Variants in RGS6 observed in about 807,000 individuals in gnomAD.
The protein encoded by RGS6 is regulator of G protein signaling 6, also known as regulator of G-protein signaling 6.
A neutral mutation model predicts 78.5 loss-of-function variants in RGS6; 30 were observed. The ratio of observed to expected loss-of-function variants is 0.38; its 90% confidence interval spans 0.29 to 0.52. RGS6 has a LOEUF of 0.52. Among genes scored for constraint, RGS6 ranks in the 20% least tolerant of loss-of-function variants. RGS6 has a pLI of 0.85. For missense variants in RGS6, 495 were observed against 609.7 expected, an observed-to-expected ratio of 0.81 and a Z score of 1.98; for synonymous variants, 206 against 206.0, an observed-to-expected ratio of 1.00 and a Z score of 0.00.
chr14:72,449,983 C>T (rs2153224796), intron 3 of RGS6, among the ~76,000 whole-genome samples: 1 of 152,240 alleles, frequency 6.6e-6, no homozygotes, highest in South Asian at 2.1e-4. Flanking sequence ...TCTCTCTGTG[C>T]TTTTTAAAAT....
chr14:71,952,463 C>G (rs920219592), intron 1 of RGS6, among the ~76,000 whole-genome samples: 35 of 151,622 alleles, frequency 2.3e-4, no homozygotes, highest in African/African-American at 8.0e-4. Flanking sequence ...CTTTTTATAC[C>G]ATATCTACCT....
chr14:72,402,790 G>GTTTTTT (rs1167831473), intron 3 of RGS6, among the ~76,000 whole-genome samples: 60 of 75,784 alleles, frequency 7.9e-4, no homozygotes, highest in East Asian at 1.4e-3. Flanking sequence ...TGTTTTTTTG[G>GTTTTTT]TTTTTTTTTT....
At chr14:72,000,807 C>T (rs756125277) in intron 2 of RGS6, among the ~76,000 whole-genome samples, 6 of 152,130 alleles carry the variant, frequency 3.9e-5, no homozygotes, top group African/African-American at 1.2e-4. Context: ...AGGTCATGGG[C>T]GACCCTGAGA....
At chr14:72,298,241 T>C (rs1478401064) in intron 2 of RGS6, among the ~76,000 whole-genome samples, 3 of 152,008 alleles carry the variant, frequency 2.0e-5, no homozygotes, top group African/African-American at 7.2e-5. Context: ...GTTTTTCTCC[T>C]TTTAATCTAT....
chr14:71,918,730 G>A, the RGS6 span, among the ~76,000 whole-genome samples: 1 of 152,066 alleles, frequency 6.6e-6, no homozygotes, highest in Non-Finnish European at 1.5e-5. Context: ...CTTCATCCCT[G>A]GTATGCAAGT....
intron 3 of RGS6, among the ~76,000 whole-genome samples, chr14:72,453,977 C>A (rs560435444): frequency 7.9e-5 from 12 of 152,316 alleles, no homozygotes; most frequent in Admixed American, 1.3e-4. Context: ...GAACTCAGTC[C>A]ATATCTAAGT....
chr14:71,952,959 T>C (rs1224920172), intron 1 of RGS6, among the ~76,000 whole-genome samples: 1 of 152,194 alleles, frequency 6.6e-6, no homozygotes, highest in Non-Finnish European at 1.5e-5. Context: ...CCACTTCTTG[T>C]GTATAAAAAT....
At chr14:72,591,925 A>G in the RGS6 span, among the ~76,000 whole-genome samples, 1 of 152,164 alleles carries the variant, frequency 6.6e-6, no homozygotes, top group East Asian at 1.9e-4. Flanking sequence ...CGTCTCCTCA[A>G]TAGCCACTAC....
chr14:71,876,237 C>T, the RGS6 span, among the ~76,000 whole-genome samples: 1 of 147,596 alleles, frequency 6.8e-6, no homozygotes, highest in Non-Finnish European at 1.5e-5. Flanking sequence ...CTAATGTTGA[C>T]AGTGGGGTGT....
chr14:72,137,889 C>T (rs2096471637), intron 2 of RGS6, among the ~76,000 whole-genome samples: 1 of 152,104 alleles, frequency 6.6e-6, no homozygotes, highest in African/African-American at 2.4e-5. Flanking sequence ...TATGATTGAT[C>T]AACTCTTCCC....
At chr14:72,593,155 C>T in the RGS6 span, among the ~76,000 whole-genome samples, 13 of 152,282 alleles carry the variant, frequency 8.5e-5, no homozygotes, top group Middle Eastern at 3.4e-3. Flanking sequence ...CACAACCATG[C>T]CCAAGAAAGA....
At chr14:72,547,323 G>A (rs1194621338) in intron 17 of RGS6, 12 of 1,535,574 alleles carry the variant, frequency 7.8e-6, no homozygotes, top group African/African-American at 1.4e-5. Context: ...AAAGTTCAAA[G>A]AGAAGTCAGA....
intron 2 of RGS6, among the ~76,000 whole-genome samples, chr14:72,233,192 C>T (rs2050112066): frequency 6.6e-6 from 1 of 152,204 alleles, no homozygotes; most frequent in Non-Finnish European, 1.5e-5. Flanking sequence ...ATTCTAATGC[C>T]AGCCTCTTTG....
At chr14:72,352,784 C>A (rs1451816777) in intron 3 of RGS6, among the ~76,000 whole-genome samples, 1 of 152,116 alleles carries the variant, frequency 6.6e-6, no homozygotes, top group Admixed American at 6.6e-5. Flanking sequence ...TATCTTAGAG[C>A]CCCCTTGGGT....
downstream of RGS6, among the ~76,000 whole-genome samples, chr14:72,571,361 C>G (rs1002395322): frequency 1.3e-5 from 2 of 152,178 alleles, no homozygotes; most frequent in African/African-American, 4.8e-5. Flanking sequence ...ACGCCACACC[C>G]AGCCTTGCTG....
At chr14:72,036,762 C>T (rs1284602258) in intron 2 of RGS6, among the ~76,000 whole-genome samples, 1 of 152,074 alleles carries the variant, frequency 6.6e-6, no homozygotes, top group Non-Finnish European at 1.5e-5. Flanking sequence ...TATTTTCTCC[C>T]AGTCTGTAGT....
At chr14:72,130,402 T>G (rs2096289257) in intron 2 of RGS6, among the ~76,000 whole-genome samples, 1 of 152,146 alleles carries the variant, frequency 6.6e-6, no homozygotes, top group Non-Finnish European at 1.5e-5. Flanking sequence ...CCCTGTCATT[T>G]CCCCAGAGGT....
At chr14:72,442,306 T>G (rs1469557027) in intron 3 of RGS6, among the ~76,000 whole-genome samples, 4 of 152,244 alleles carry the variant, frequency 2.6e-5, no homozygotes, top group African/African-American at 7.2e-5. Context: ...CCTGTTAGCA[T>G]GGTGAGCTGC....
chr14:72,459,552 AG>A, intron 5 of RGS6, 79 bp from the exon 6 acceptor site: 2 of 1,346,242 alleles, frequency 1.5e-6, no homozygotes, highest in Non-Finnish European at 2.1e-6. Context: ...GCCTGCCATC[AG>A]GGAGGCTCCT....
Sources: gnomAD v4.1 joint callset for allele counts (sites outside exome capture counted in the v4.1 genomes callset) on GRCh38, gnomAD v4.1.1 for gene constraint, MANE v1.5 for transcripts, NCBI Gene and HGNC (gene_info 2026-07-23, HGNC 2026-07-21) for gene names.